COPS7B: variants seen among roughly 807,000 people sequenced by gnomAD.
COPS7B encodes the protein COP9 signalosome complex subunit 7b.
A neutral mutation model predicts 33.4 loss-of-function variants in COPS7B; 9 were observed. The ratio of observed to expected loss-of-function variants is 0.27; its 90% CI spans 0.16 to 0.47. The LOEUF is 0.47. Ranked by LOEUF, COPS7B falls within the 20% of genes least tolerant of loss-of-function variation. The pLI, the probability that COPS7B is intolerant of heterozygous loss-of-function variation, is 0.99. For synonymous variants in COPS7B, 119 were observed against 126.3 expected (o/e 0.94, Z 0.39); for missense variants, 242 against 318.2 (o/e 0.76, Z 1.82).
intron 6 of COPS7B, among the ~76,000 whole-genome samples, chr2:231,804,763 A>G (rs1033960681): frequency 2.0e-5 from 3 of 152,192 alleles, no homozygotes; most frequent in African/African-American, 4.8e-5. Flanking sequence ...TTTGTTTTCT[A>G]ATGTCTTATT....
chr2:231,787,188 C>T (rs760791484), intron 1 of COPS7B, among the ~76,000 whole-genome samples: 1 of 152,126 alleles, frequency 6.6e-6, no homozygotes, highest in African/African-American at 2.4e-5. Context: ...CGTCCTCAAA[C>T]TCGTTGTTCC....
upstream of COPS7B, chr2:231,781,680 C>G (rs959044433): frequency 1.8e-5 from 12 of 656,188 alleles, no homozygotes; most frequent in Non-Finnish European, 3.0e-5. Flanking sequence ...ATCCCAGCAT[C>G]CCCTGCACTC....
At position 231,808,890 on chromosome 2, in the gene COPS7B, T is replaced by C. The variant is rs2049975503; in HGVS notation, c.*1245T>C. On this transcript the variant is annotated 3_prime_UTR_variant, in exon 7 of 7. Transcript: ENST00000350033. ...AGTTCATTGAGGAAAAAGCACATTT[T>C]ACAACAAAAAAATAAAAGTGTAGAT... 1 of 154,984 alleles carries C rather than the reference T, an allele frequency of 6.5e-6. No homozygotes were observed. The highest frequency in any genetic ancestry group is 6.6e-5 in the Admixed American group (1 of 15,254). The allele number at this position is 154,984 out of a possible 1,614,324, so 9.6% of individuals were successfully genotyped here.
At chr2:231,792,634 C>G (rs1350397557) in intron 3 of COPS7B, among the ~76,000 whole-genome samples, 4 of 152,174 alleles carry the variant, frequency 2.6e-5, no homozygotes, top group Non-Finnish European at 5.9e-5. Flanking sequence ...TTTCTTCCCA[C>G]TTACAAACAT....
chr2:231,799,053 G>GT (rs2106333845), intron 6 of COPS7B, 89 bp downstream of exon 6: 2 of 1,216,436 alleles, frequency 1.6e-6, no homozygotes, highest in Non-Finnish European at 2.4e-6. Context: ...GCGAATCTTG[G>GT]TGTAGATGAA....
rs573512890 is a variant in COPS7B, at chr2:231,806,228, C to T, written c.637-1259C>T. Among the ~76,000 whole-genome samples, 104 of 152,176 alleles carry T rather than the reference C, an allele frequency of 6.8e-4. 2 individuals are homozygous for T. The highest frequency in any genetic ancestry group is 2.0e-3 in the Admixed American group (31 of 15,274). ...CTCATAATATTCTGACTGTTGAGAA[C>T]TTTTGACCCTGACAACTCCTTTTCA... On this transcript the variant is annotated intron_variant, in intron 6 of 6. Coordinates refer to ENST00000350033, the MANE Select transcript of COPS7B (RefSeq NM_022730.4).
chr2:231,786,992 C>G (rs898057112), intron 1 of COPS7B, among the ~76,000 whole-genome samples: 4 of 152,072 alleles, frequency 2.6e-5, no homozygotes, highest in African/African-American at 4.8e-5. Context: ...CATTTCCCTA[C>G]CCCCTCTCCA....
At chr2:231,782,705 A>G (rs1189993448), upstream of COPS7B, among the ~76,000 whole-genome samples, 1 of 152,232 alleles carries the variant, frequency 6.6e-6, no homozygotes, top group African/African-American at 2.4e-5. Context: ...GTGTGATAAA[A>G]TGGCATAAAG....
intron 6 of COPS7B, 146 bp from the exon 7 acceptor site, chr2:231,807,341 C>G: frequency 1.3e-6 from 1 of 742,510 alleles, no homozygotes; most frequent in Non-Finnish European, 2.1e-6. Flanking sequence ...AGCCCAGGCT[C>G]GTTTCTGCTC....
chr2:231,807,430 G>A, intron 6 of COPS7B, 57 bp from the exon 7 acceptor site: 4 of 1,495,654 alleles, frequency 2.7e-6, no homozygotes. Flanking sequence ...CATAGTGAGA[G>A]CAAGTTTTGG....
upstream of COPS7B, chr2:231,781,827 A>G (rs2049138167): frequency 3.2e-6 from 5 of 1,550,778 alleles, no homozygotes; most frequent in South Asian, 5.9e-5. Context: ...AAAGAAGATG[A>G]CAGCCCGCAG....
At chr2:231,800,653 G>C (rs981022030) in intron 6 of COPS7B, among the ~76,000 whole-genome samples, 1 of 152,232 alleles carries the variant, frequency 6.6e-6, no homozygotes, top group Non-Finnish European at 1.5e-5. Flanking sequence ...ACACAACAGT[G>C]TAGACTCTTT....
At position 231,807,812 on chromosome 2, in the gene COPS7B, C is replaced by T. The variant is rs1214283359; in HGVS notation, c.*167C>T. 2 of 590,830 alleles carry T rather than the reference C, an allele frequency of 3.4e-6. No individual in the cohort carries two copies. The allele number at this position is 590,830 out of a possible 1,614,324, so 36.6% of individuals were successfully genotyped here. On this transcript the variant is annotated 3_prime_UTR_variant, in exon 7 of 7. Coordinates refer to ENST00000350033, the MANE Select transcript of COPS7B (RefSeq NM_022730.4). ...TGTTCCAGAAAAACTGTTACTCCCCCTCACCCACTCCCTCCTTCCCCAGTT... is the reference window on the plus strand; with the variant it reads ...TGTTCCAGAAAAACTGTTACTCCCCTTCACCCACTCCCTCCTTCCCCAGTT...
intron 6 of COPS7B, among the ~76,000 whole-genome samples, chr2:231,804,163 T>G (rs1450288562): frequency 1.3e-5 from 2 of 152,246 alleles, no homozygotes; most frequent in African/African-American, 4.8e-5. Flanking sequence ...TTAATGCCTT[T>G]TCCTTACTCA....
chr2:231,782,471 ACCT>A (rs1205649452), upstream of COPS7B, among the ~76,000 whole-genome samples: 2 of 151,000 alleles, frequency 1.3e-5, no homozygotes, highest in East Asian at 1.9e-4. Flanking sequence ...TTCCTTGGAA[ACCT>A]CCTCTGTCCT....
intron 6 of COPS7B, among the ~76,000 whole-genome samples, chr2:231,805,428 TATA>T (rs1450637183): frequency 3.9e-4 from 51 of 129,268 alleles, no homozygotes; most frequent in East Asian, 2.7e-3. Flanking sequence ...TATATATATA[TATA>T]TTTTTTTTTA....
rs376164708 is a variant in COPS7B at position 231,791,827 on chromosome 2, T to G, written c.238+19T>G. 6.3e-7 allele frequency: 1 copy of G among 1,597,362 alleles called. No homozygotes were observed. The highest frequency in any genetic ancestry group is 1.3e-5 in the African/African-American group (1 of 74,596). On this transcript the variant is annotated intron_variant, in intron 3 of 6. Transcript: ENST00000350033. ...TACATAGGTGAGTTGGTGAAGATCC[T>G]TCAAAAGACTTGTGTTAATTATGTT...
upstream of COPS7B, among the ~76,000 whole-genome samples, chr2:231,783,807 G>A (rs2049179557): frequency 2.0e-5 from 3 of 152,102 alleles, no homozygotes; most frequent in Non-Finnish European, 4.4e-5. Context: ...CACCAGCATT[G>A]CCCACTGCAA....
chr2:231,798,254 C>CT (rs532747492), intron 5 of COPS7B, among the ~76,000 whole-genome samples: 1,601 of 116,724 alleles, frequency 0.014, 27 homozygotes, highest in African/African-American at 0.023. Context: ...ATTCTACCTT[C>CT]TTTTTTTTTT....
Sources: gnomAD v4.1 joint callset for allele counts (sites outside exome capture counted in the v4.1 genomes callset) on GRCh38, gnomAD v4.1.1 for gene constraint, MANE v1.5 for transcripts, NCBI Gene and HGNC (gene_info 2026-07-23, HGNC 2026-07-21) for gene names.